Variants in DLEU7 observed in about 807,000 individuals in gnomAD.
The protein encoded by DLEU7 is deleted in lymphocytic leukemia 7.
A neutral mutation model predicts 16.0 loss-of-function variants in DLEU7; 17 were observed. The ratio of observed to expected loss-of-function variants is 1.06; its 90% confidence interval spans 0.73 to 1.59. The LOEUF (loss-of-function observed/expected upper bound fraction) is 1.59, where lower values mean the gene tolerates loss of function less well. Ranked by LOEUF, DLEU7 falls within the 40% of genes most tolerant of loss-of-function variation. DLEU7 has a pLI of 0.00. For missense variants in DLEU7, 308 were observed against 314.9 expected, an observed-to-expected ratio of 0.98 and a Z score of 0.17; for synonymous variants, 113 against 139.8, an observed-to-expected ratio of 0.81 and a Z score of 1.35.
intron 1 of DLEU7, among the ~76,000 whole-genome samples, chr13:50,779,179 A>T (rs1447524104): frequency 6.6e-6 from 1 of 152,176 alleles, no homozygotes; most frequent in Admixed American, 6.5e-5. Context: ...AGGAGCAGAA[A>T]TTCCCACCCT....
At chr13:50,786,856 T>A (rs1418717728) in intron 1 of DLEU7, among the ~76,000 whole-genome samples, 2 of 152,168 alleles carry the variant, frequency 1.3e-5, no homozygotes, top group East Asian at 3.8e-4. Context: ...AGATATAATC[T>A]GGGTAATGTC....
At chr13:50,840,846 T>A (rs1303418919) in intron 1 of DLEU7, among the ~76,000 whole-genome samples, 2 of 152,124 alleles carry the variant, frequency 1.3e-5, no homozygotes, top group African/African-American at 4.8e-5. Context: ...AATGCAATTT[T>A]TTAGGTAGAA....
chr13:50,799,076 C>A (rs1876178463), intron 1 of DLEU7, among the ~76,000 whole-genome samples: 1 of 152,180 alleles, frequency 6.6e-6, no homozygotes, highest in South Asian at 2.1e-4. Context: ...GAACAGGGTC[C>A]CTATTCTCTG....
intron 1 of DLEU7, among the ~76,000 whole-genome samples, chr13:50,804,042 A>G (rs554487047): frequency 3.3e-5 from 5 of 152,244 alleles, no homozygotes; most frequent in African/African-American, 7.2e-5. Flanking sequence ...TTAGAATCCA[A>G]TATTAATTTT....
chr13:50,794,682 G>A (rs1371698402), intron 1 of DLEU7, among the ~76,000 whole-genome samples: 1 of 152,122 alleles, frequency 6.6e-6, no homozygotes, highest in Non-Finnish European at 1.5e-5. Context: ...TCCTTTACAT[G>A]TTCTCATCCA....
chr13:50,767,844 C>A (rs974913547), intron 1 of DLEU7, among the ~76,000 whole-genome samples: 3 of 152,202 alleles, frequency 2.0e-5, no homozygotes, highest in Non-Finnish European at 4.4e-5. Context: ...GAAGGTCAAG[C>A]CTCCGTGATG....
exon 2 of DLEU7, chr13:50,713,211 CCTT>C: frequency 6.2e-7 from 1 of 1,611,092 alleles, no homozygotes; most frequent in Non-Finnish European, 8.5e-7. Flanking sequence ...CCTACAGTGA[CCTT>C]CTTCACTCAT....
intron 1 of DLEU7, among the ~76,000 whole-genome samples, chr13:50,732,606 C>CAAAAAAAAAAAAAAAAAAAAA (rs58395582): frequency 7.6e-5 from 5 of 65,950 alleles, no homozygotes; most frequent in Non-Finnish European, 1.3e-4. Context: ...GACTCCATCT[C>CAAAAAAAAAAAAAAAAAAAAA]AAAAAAAAAA....
intron 1 of DLEU7, among the ~76,000 whole-genome samples, chr13:50,753,154 T>C (rs584509): frequency 0.42 from 64,355 of 152,010 alleles, 14,008 homozygotes; most frequent in African/African-American, 0.46. Flanking sequence ...TTGAGCTAGA[T>C]ACAGAGTGCC....
At chr13:50,827,802 C>T (rs1252804107) in intron 1 of DLEU7, among the ~76,000 whole-genome samples, 1 of 152,102 alleles carries the variant, frequency 6.6e-6, no homozygotes, top group African/African-American at 2.4e-5. Context: ...TAGTAGTAAG[C>T]CTACACATAT....
intron 1 of DLEU7, among the ~76,000 whole-genome samples, chr13:50,791,297 A>G (rs915678602): frequency 6.6e-6 from 1 of 152,078 alleles, no homozygotes; most frequent in Non-Finnish European, 1.5e-5. Context: ...TCTCCTGCTC[A>G]CACACCCAAC....
intron 1 of DLEU7, chr13:50,808,731 T>A (rs1876472309): frequency 6.6e-6 from 1 of 152,162 alleles, no homozygotes; most frequent in African/African-American, 2.4e-5. Flanking sequence ...AAAGGATGAC[T>A]GATTTATAAA....
chr13:50,809,790 A>G (rs533348779), intron 1 of DLEU7, among the ~76,000 whole-genome samples: 1 of 152,280 alleles, frequency 6.6e-6, no homozygotes, highest in Non-Finnish European at 1.5e-5. Flanking sequence ...AGTTCTCCTT[A>G]AGTGTCTTTG....
At chr13:50,778,110 T>C (rs1875556440) in intron 1 of DLEU7, among the ~76,000 whole-genome samples, 1 of 152,148 alleles carries the variant, frequency 6.6e-6, no homozygotes. Context: ...TTCTGCAGCC[T>C]TAACAGGAAG....
Position 50,839,449 on chromosome 13 carries a change from T to C in DLEU7, c.459+3739A>G, listed in dbSNP as rs181524749. On this transcript the variant is annotated intron_variant, in intron 1 of 1. Transcript: ENST00000504404. ...AGGAGTATTGTGTTGGTTTCTTTAATTAAAGAGTAAAATCCTATTTTTAAA... is the reference window on the plus strand; with the variant it reads ...AGGAGTATTGTGTTGGTTTCTTTAACTAAAGAGTAAAATCCTATTTTTAAA... Among the ~76,000 whole-genome samples the C allele has an allele frequency of 1.8e-3, 276 of 152,336 alleles. 1 individual carries two copies. Among genetic ancestry groups the C allele is most frequent in the Non-Finnish European group, 2.2e-3 (150 of 68,024 alleles).
chr13:50,828,329 T>C (rs897228770), intron 1 of DLEU7, among the ~76,000 whole-genome samples: 7 of 152,116 alleles, frequency 4.6e-5, no homozygotes, highest in African/African-American at 1.7e-4. Flanking sequence ...ATCATGCAAA[T>C]CACAATGCAA....
intron 1 of DLEU7, among the ~76,000 whole-genome samples, chr13:50,767,922 T>C (rs1875170289): frequency 6.6e-6 from 1 of 152,206 alleles, no homozygotes; most frequent in South Asian, 2.1e-4. Flanking sequence ...GTGAGAACCA[T>C]GTCAGCAGTC....
At chr13:50,753,058 C>T (rs1280560294) in intron 1 of DLEU7, among the ~76,000 whole-genome samples, 1 of 152,176 alleles carries the variant, frequency 6.6e-6, no homozygotes, top group Non-Finnish European at 1.5e-5. Flanking sequence ...TCCAAGTCCC[C>T]ACCACAGTAC....
At chr13:50,779,959 GC>G (rs1481594396) in intron 1 of DLEU7, among the ~76,000 whole-genome samples, 2 of 151,774 alleles carry the variant, frequency 1.3e-5, no homozygotes, top group Non-Finnish European at 2.9e-5. Flanking sequence ...GCCCTATTAA[GC>G]CGTTAACACA....
Sources: gnomAD v4.1 joint callset for allele counts (sites outside exome capture counted in the v4.1 genomes callset) on GRCh38, gnomAD v4.1.1 for gene constraint, MANE v1.5 for transcripts, NCBI Gene and HGNC (gene_info 2026-07-23, HGNC 2026-07-21) for gene names.